KXD1: variants seen among roughly 807,000 people sequenced by gnomAD.
KXD1 encodes the protein kxDL motif-containing protein 1.
In KXD1, 5 loss-of-function variants were observed where a neutral mutation model predicts 12.1. That is an observed-to-expected ratio of 0.41 (90% CI 0.22 to 0.87). The LOEUF is 0.87. KXD1 is among the 40% of genes least tolerant of loss of function. The probability of loss-of-function intolerance (pLI) is 0.31; values close to 1 mark genes in which losing one functional copy is unlikely to be tolerated. For synonymous variants in KXD1, 98 were observed against 100.5 expected (o/e 0.98, Z 0.15); for missense variants, 193 against 244.9 (o/e 0.79, Z 1.41).
rs756443667 is a variant in KXD1, at chr19:18,567,114, G to A, written c.255-18G>A. ...CTGCTCAGCAGGTTAAGCCCTGTGT[G>A]CCTTCTCTCCCCTGCAGGACGCTGA... is the stretch of plus-strand genomic sequence containing the variant. On this transcript the variant is annotated intron_variant, in intron 3 of 4. Transcript: ENST00000222307. The A allele has an allele frequency of 1.2e-6, 2 of 1,613,716 alleles. No homozygotes were observed. Among genetic ancestry groups the A allele is most frequent in the Non-Finnish European group, 1.7e-6 (2 of 1,179,760 alleles).
intron 1 of KXD1, chr19:18,558,162 C>G (rs1976995751): frequency 7.2e-5 from 11 of 152,508 alleles, no homozygotes; most frequent in Admixed American, 7.2e-4. Flanking sequence ...CTCCTGTGTT[C>G]TGGGTGTGTC....
chr19:18,568,101 C>G (rs1473735186), intron 4 of KXD1, among the ~76,000 whole-genome samples: 1 of 152,048 alleles, frequency 6.6e-6, no homozygotes, highest in Admixed American at 6.5e-5. Flanking sequence ...AACCCCGTCT[C>G]TAGTAAAAAT....
At position 18,562,062 on chromosome 19, in the gene KXD1, C is replaced by A; in HGVS notation, c.6C>A (p.Asp2Glu). ...CAGCGGAGGAGGAGAAAGAGATGGA[C>A]CTCCCGGACTCGGCCTCGAGGGTCT... The part of the protein sequence containing the change: M[D>E]LPDSASRVFC... The change falls in exon 2 of 5, where the codon GAC (aspartate) becomes GAA (glutamate). Residue 2 changes from aspartate to glutamate, a missense_variant. Transcript: ENST00000222307. The A allele has an allele frequency of 6.2e-7, 1 of 1,612,252 alleles. No individual in the cohort carries two copies. The highest frequency in any genetic ancestry group is 1.7e-5 in the Admixed American group (1 of 59,822).
In KXD1 at chr19:18,568,711, A is replaced by G; in HGVS notation, c.*80A>G. ...GCGGGTAACCCTGCCTTGTTCTGTC[A>G]TCCAGGGCTCCTTTGCTGCCCCGTT... On this transcript the variant is annotated 3_prime_UTR_variant, in exon 5 of 5. Coordinates refer to ENST00000222307, the MANE Select transcript of KXD1 (RefSeq NM_024069.4). 1 of 1,090,504 alleles carries G rather than the reference A, an allele frequency of 9.2e-7. No individual in the cohort carries two copies. The highest frequency in any genetic ancestry group is 1.3e-6 in the Non-Finnish European group (1 of 749,436). 67.6% of individuals were successfully genotyped at this position (1,090,504 alleles called of 1,614,324 possible).
intron 2 of KXD1, among the ~76,000 whole-genome samples, chr19:18,562,546 C>T (rs889139773): frequency 1.3e-5 from 2 of 152,196 alleles, no homozygotes; most frequent in Non-Finnish European, 2.9e-5. Flanking sequence ...CTGCAACCTC[C>T]GCCTCCCGAG....
chr19:18,568,297 C>A, intron 4 of KXD1, 105 bp from the exon 5 acceptor site: 2 of 761,678 alleles, frequency 2.6e-6, no homozygotes, highest in Non-Finnish European at 4.4e-6. Context: ...TCAAGTCATA[C>A]CCCCATGGGG....
chr19:18,566,302 A>G (rs1975225304), intron 3 of KXD1, among the ~76,000 whole-genome samples: 1 of 152,004 alleles, frequency 6.6e-6, no homozygotes, highest in South Asian at 2.1e-4. Context: ...TACAAAAAAT[A>G]CTAAAAATAC....
rs887370752 is a variant in KXD1 at position 18,568,984 on chromosome 19, C to T, written c.*353C>T. The T allele has an allele frequency of 4.7e-5, 14 of 296,714 alleles. No homozygotes were observed. Among genetic ancestry groups the T allele is most frequent in the African/African-American group, 2.6e-4 (12 of 46,582 alleles). The allele number at this position is 296,714 out of a possible 1,614,324, so 18.4% of individuals were successfully genotyped here. A position where few individuals can be genotyped will look rare whatever the true frequency, so the allele number is the denominator to read the frequency against. On this transcript the variant is annotated 3_prime_UTR_variant, in exon 5 of 5. Coordinates refer to ENST00000222307, the MANE Select transcript of KXD1 (RefSeq NM_024069.4). ...GTTCCCAGACACCAGAGCCAGATGT[C>T]CCCCACCACCGGTCAGGACCTCCTT...
At chr19:18,563,933 C>T (rs1975063769) in intron 2 of KXD1, among the ~76,000 whole-genome samples, 1 of 151,994 alleles carries the variant, frequency 6.6e-6, no homozygotes, top group African/African-American at 2.4e-5. Context: ...GTCACCCAGG[C>T]TGGAGTGCAG....
At position 18,564,935 on chromosome 19, in the gene KXD1, G is replaced by A. The variant is rs1463774358; in HGVS notation, c.168G>A (p.Leu56=). Residue 56 remains leucine (L), a synonymous_variant, in exon 3 of 5, where the codon CTG becomes CTA. Transcript: ENST00000222307. ...TCAACAACCTGTCCAGTGCCCGCCT[G>A]CAGCAGATGAGCGAACGCTTCCTGC... ...LNFNNLSSAR[L]QQMSERFLHH... is the part of the protein sequence containing the mutation. The A allele has an allele frequency of 1.2e-5, 20 of 1,613,452 alleles. No individual in the cohort carries two copies. The highest frequency in any genetic ancestry group is 1.7e-5 in the Non-Finnish European group (20 of 1,180,032).
chr19:18,558,975 C>CTT (rs71336684), intron 1 of KXD1: 5 of 55,566 alleles, frequency 9.0e-5, no homozygotes, highest in Non-Finnish European at 1.3e-4. Flanking sequence ...CTCCAGGTGT[C>CTT]TTTTTTTTTT....
At chr19:18,562,461 A>G (rs756816123) in intron 2 of KXD1, among the ~76,000 whole-genome samples, 2 of 151,660 alleles carry the variant, frequency 1.3e-5, no homozygotes, top group Non-Finnish European at 2.9e-5. Context: ...TTTTTTGTTT[A>G]TTTGTTTCTT....
intron 4 of KXD1, chr19:18,567,405 G>A (rs1216817123): frequency 1.5e-6 from 1 of 660,578 alleles, no homozygotes; most frequent in African/African-American, 1.8e-5. Flanking sequence ...AGGCCGCACA[G>A]GAGAATGTGG....
At chr19:18,557,950 G>C (rs1448177342) in intron 1 of KXD1, 36 bp downstream of exon 1, 1 of 152,274 alleles carries the variant, frequency 6.6e-6, no homozygotes, top group South Asian at 2.1e-4. Flanking sequence ...CGAGTTTGGG[G>C]TGGGGCTGGG....
At chr19:18,567,850 G>A (rs972586036) in intron 4 of KXD1, among the ~76,000 whole-genome samples, 1 of 152,198 alleles carries the variant, frequency 6.6e-6, no homozygotes, top group Non-Finnish European at 1.5e-5. Flanking sequence ...GTAGTGCAGT[G>A]AGCCAGGTTC....
rs1330141540 is a variant in KXD1, at chr19:18,568,490, C to T, written c.390C>T (p.Ser130=). The T allele has an allele frequency of 5.0e-6, 8 of 1,614,148 alleles. No homozygotes were observed. Among genetic ancestry groups the T allele is most frequent in the Non-Finnish European group, 6.8e-6 (8 of 1,180,030 alleles). The stretch of plus-strand genomic sequence containing the variant: ...CCACCATTGCCACCTCAGAACAGAG[C>T]ACGGGCTCATGTGACACCAGCCCCG... ...TTTTIATSEQ[S]TGSCDTSPDT... Residue 130 remains serine (S), a synonymous_variant, in exon 5 of 5, where the codon AGC becomes AGT. Coordinates refer to ENST00000222307, the MANE Select transcript of KXD1 (RefSeq NM_024069.4).
intron 3 of KXD1, among the ~76,000 whole-genome samples, chr19:18,566,805 A>G (rs1600591363): frequency 6.6e-6 from 1 of 152,264 alleles, no homozygotes; most frequent in African/African-American, 2.4e-5. Flanking sequence ...AAAAAAAAAA[A>G]AAATTTATCA....
intron 1 of KXD1, among the ~76,000 whole-genome samples, chr19:18,561,224 G>A (rs572953318): frequency 3.9e-5 from 6 of 151,996 alleles, no homozygotes; most frequent in Non-Finnish European, 8.8e-5. Flanking sequence ...GCAACATAGC[G>A]AGACCCTGTC....
At chr19:18,560,167 G>C (rs1974874119) in intron 1 of KXD1, 1 of 152,028 alleles carries the variant, frequency 6.6e-6, no homozygotes, top group Admixed American at 6.6e-5. Context: ...ACCATGCCCG[G>C]CTAATTTTTT....
Sources: gnomAD v4.1 joint callset for allele counts (sites outside exome capture counted in the v4.1 genomes callset) on GRCh38, gnomAD v4.1.1 for gene constraint, MANE v1.5 for transcripts, NCBI Gene and HGNC (gene_info 2026-07-23, HGNC 2026-07-21) for gene names.